The following ABR variants were observed in gnomAD, a reference collection of about 807,000 sequenced individuals.
The protein encoded by ABR is ABR activator of RhoGEF and GTPase.
In ABR, 35 loss-of-function variants were observed where a neutral mutation model predicts 107.2. The ratio of observed to expected loss-of-function variants is 0.33; its 90% confidence interval spans 0.25 to 0.43. The LOEUF (loss-of-function observed/expected upper bound fraction) is 0.43. Among genes scored for constraint, ABR ranks in the 20% least tolerant of loss-of-function variants. The pLI is 1.00. For missense variants in ABR, 815 were observed against 1,115.2 expected (o/e 0.73, Z 3.83); for synonymous variants, 498 against 462.0 (o/e 1.08, Z -1.00).
At chr17:1,102,702 T>C (rs1411740539) in intron 2 of ABR, among the ~76,000 whole-genome samples, 2 of 152,166 alleles carry the variant, frequency 1.3e-5, no homozygotes, top group South Asian at 2.1e-4. Flanking sequence ...TTTTAATTAA[T>C]CTATTTATTT....
Position 1,022,120 on chromosome 17 carries a change from A to AAAAAAAAAAAAAAAAC in ABR, c.1792-8957_1792-8956insGTTTTTTTTTTTTTTT, listed in dbSNP as rs56033950. ...AGACTCTGTCTCAAAAAAAAAAAAA[A>AAAAAAAAAAAAAAAAC]AAAAACAGAAAATGACTCCAGAAGG... On this transcript the variant is annotated intron_variant, in intron 16 of 22. Transcript: ENST00000302538. Among the ~76,000 whole-genome samples the AAAAAAAAAAAAAAAAC allele has an allele frequency of 1.7e-3, 198 of 118,316 alleles. 18 individuals are homozygous for AAAAAAAAAAAAAAAAC. The highest frequency in any genetic ancestry group is 3.5e-3 in the South Asian group (13 of 3,678). The allele number at this position is 118,316 out of a possible 152,430, so 77.6% of individuals were successfully genotyped here. A position where few individuals can be genotyped will look rare whatever the true frequency, so the allele number is the denominator to read the frequency against.
At chr17:1,141,905 C>T (rs973353915) in intron 1 of ABR, among the ~76,000 whole-genome samples, 1 of 151,860 alleles carries the variant, frequency 6.6e-6, no homozygotes, top group Non-Finnish European at 1.5e-5. Context: ...ATTACAGGTG[C>T]CCGCCACCAC....
At chr17:1,177,675 G>A (rs887001931) in intron 1 of ABR, among the ~76,000 whole-genome samples, 1 of 152,192 alleles carries the variant, frequency 6.6e-6, no homozygotes, top group Non-Finnish European at 1.5e-5. Flanking sequence ...TACGATTCCA[G>A]GCTTCGGGAA....
At chr17:1,203,316 G>A (rs1304532298) in intron 1 of ABR, among the ~76,000 whole-genome samples, 2 of 150,916 alleles carry the variant, frequency 1.3e-5, no homozygotes, top group Admixed American at 6.6e-5. Context: ...TCGTGGGGGC[G>A]GAGTCCATGG....
intron 1 of ABR, among the ~76,000 whole-genome samples, chr17:1,174,228 C>T (rs556319025): frequency 1.3e-5 from 2 of 152,354 alleles, no homozygotes; most frequent in Non-Finnish European, 2.9e-5. Context: ...GAGTAGATGA[C>T]TTAATTCTTC....
rs953138431 is a variant in ABR at position 1,051,647 on chromosome 17, G to A, written c.1562-1013C>T. Among the ~76,000 whole-genome samples the A allele has an allele frequency of 6.6e-6, 1 of 152,214 alleles. No individual in the cohort carries two copies. The highest frequency in any genetic ancestry group is 1.5e-5 in the Non-Finnish European group (1 of 68,036). Reference sequence around the variant, plus strand: ...CCAGGGTACCAGAGGTGGTGTGGGAGGTGCCTTTGGGACACTATGGCCAAC... The same window carrying A: ...CCAGGGTACCAGAGGTGGTGTGGGAAGTGCCTTTGGGACACTATGGCCAAC... On this transcript the variant is annotated intron_variant, in intron 14 of 22. Transcript: ENST00000302538. The surrounding 1 kb of genome is among the most constrained non-coding windows in gnomAD (Gnocchi z 4.3).
At chr17:1,060,851 G>A (rs747744345) in intron 10 of ABR, among the ~76,000 whole-genome samples, 1 of 152,018 alleles carries the variant, frequency 6.6e-6, no homozygotes, top group Non-Finnish European at 1.5e-5. Flanking sequence ...AATTAGCCAG[G>A]CGTGGTGGCG....
Position 1,098,236 on chromosome 17 carries a change from C to A in ABR, c.345+2401G>T, listed in dbSNP as rs910475666. On this transcript the variant is annotated intron_variant, in intron 3 of 22. Coordinates refer to ENST00000302538, the MANE Select transcript of ABR (RefSeq NM_021962.5). ...TACAGGTGCTCGCCACCACGCCCGG[C>A]TAATTTTTTTTGTACTTTTTTAGTA... Among the ~76,000 whole-genome samples, 5 of 152,082 alleles carry A rather than the reference C, an allele frequency of 3.3e-5. No individual in the cohort carries two copies. In the South Asian group the frequency reaches 1.0e-3, roughly 32 times the overall value.
intron 16 of ABR, among the ~76,000 whole-genome samples, chr17:1,038,700 G>GT (rs1050520649): frequency 2.0e-5 from 3 of 152,250 alleles, no homozygotes; most frequent in Non-Finnish European, 2.9e-5. Context: ...AGGGGCTGCT[G>GT]TGAGTCTGCG....
rs574913583 is a variant in ABR, at chr17:1,220,422, A to G, written c.838+8371T>C. 2.0e-5 allele frequency among the ~76,000 whole-genome samples: 3 copies of G among 152,362 alleles called. No homozygotes were observed. The South Asian group carries it at 6.2e-4, about 32-fold the overall frequency. Reference sequence around the variant, plus strand: ...GAGCGTCGAATGGGAAGACAGGAACAGGATCGCTGCGGAAAGACTTGCAGA... The same window carrying G: ...GAGCGTCGAATGGGAAGACAGGAACGGGATCGCTGCGGAAAGACTTGCAGA... On this transcript the variant is annotated intron_variant, in intron 1 of 22. Transcript: ENST00000574139.
chr17:1,114,169 C>CAAAAAAAAA (rs72267709), intron 2 of ABR, among the ~76,000 whole-genome samples: 1 of 131,494 alleles, frequency 7.6e-6, no homozygotes, highest in Non-Finnish European at 1.6e-5. Flanking sequence ...GACCCTGTCT[C>CAAAAAAAAA]AAAAAAAAAA....
chr17:1,013,149 C>T lies in ABR; in HGVS notation c.1807G>A (p.Val603Met), dbSNP rs759310881. ...TCCGTGTGCCAGTTCTTGGTCTCCA[C>T]GGTTTGTGGGTCCAGCTGCAGAGAG... ...KGQIQLDPQT[V>M]ETKNWHTDVI... Residue 603 changes from valine (V) to methionine (M), a missense_variant, in exon 17 of 23, where the codon GTG (valine) becomes ATG (methionine). Physicochemically the swap from Val to Met is conservative, Grantham distance 21. Transcript: ENST00000302538. 27 of 1,614,170 alleles carry T rather than the reference C, an allele frequency of 1.7e-5. No individual in the cohort carries two copies. Among genetic ancestry groups the T allele is most frequent in the Non-Finnish European group, 2.0e-5 (24 of 1,180,008 alleles).
rs1187354633 is a variant in ABR at position 1,174,407 on chromosome 17, TC to T, written c.61+5259del. ...GGCCCCGAGAACTGAACTGCTCTGATCAAACGCACACAGGCTGTCAGACCAG... is the reference window on the plus strand; with the variant it reads ...GGCCCCGAGAACTGAACTGCTCTGATAAACGCACACAGGCTGTCAGACCAG... On this transcript the variant is annotated intron_variant, in intron 1 of 22. Coordinates refer to ENST00000302538, the MANE Select transcript of ABR (RefSeq NM_021962.5). Among the ~76,000 whole-genome samples, 13 of 151,786 alleles carry T rather than the reference TC, an allele frequency of 8.6e-5. No individual in the cohort carries two copies. The South Asian group carries it at 1.9e-3, about 22-fold the overall frequency.
Position 1,217,617 on chromosome 17 carries a change from C to G in ABR, c.838+11176G>C, listed in dbSNP as rs189334741. Among the ~76,000 whole-genome samples, 162 of 152,338 alleles carry G rather than the reference C, an allele frequency of 1.1e-3. 2 individuals are homozygous for G. Among genetic ancestry groups the G allele is most frequent in the African/African-American group, 3.7e-3 (152 of 41,578 alleles). Reference sequence around the variant, plus strand: ...GTGCAAAAAGGTTGAGGAATTTGCTCAAGGTCACATAGCAGTTAAGTGGCA... The same window carrying G: ...GTGCAAAAAGGTTGAGGAATTTGCTGAAGGTCACATAGCAGTTAAGTGGCA... On this transcript the variant is annotated intron_variant, in intron 1 of 22. Coordinates refer to the ABR transcript ENST00000574139.
intron 4 of ABR, among the ~76,000 whole-genome samples, chr17:1,087,226 A>G (rs1006850793): frequency 6.6e-6 from 1 of 152,180 alleles, no homozygotes; most frequent in Non-Finnish European, 1.5e-5. Context: ...TGCTGGGGGA[A>G]GTGGGCTGCT....
rs1462649979 is a variant in ABR at position 1,078,039 on chromosome 17, C to T, written c.700+1291G>A. On this transcript the variant is annotated intron_variant, in intron 6 of 22. Coordinates refer to ENST00000302538, the MANE Select transcript of ABR (RefSeq NM_021962.5). The surrounding 1 kb of genome is among the most constrained non-coding windows in gnomAD (Gnocchi z 7.5). ...GACATGCACCTGTCCCGGGACTTCC[C>T]CCCAGCCCCCAGCCAGCTGCGGGAG... is the stretch of plus-strand genomic sequence containing the variant. 6.6e-6 allele frequency among the ~76,000 whole-genome samples: 1 copy of T among 152,148 alleles called. No homozygotes were observed. Among genetic ancestry groups the T allele is most frequent in the Admixed American group, 6.5e-5 (1 of 15,278 alleles).
intron 2 of ABR, among the ~76,000 whole-genome samples, chr17:1,118,388 T>G (rs1453801896): frequency 2.5e-5 from 1 of 40,198 alleles, no homozygotes; most frequent in Non-Finnish European, 5.0e-5. Context: ...TCCCTGAGCC[T>G]GAGTTCCTCC....
intron 1 of ABR, among the ~76,000 whole-genome samples, chr17:1,161,842 A>C (rs922384637): frequency 6.6e-6 from 1 of 152,300 alleles, no homozygotes; most frequent in African/African-American, 2.4e-5. Context: ...GGTGTGAGCC[A>C]CAGCGCCCGG....
Position 1,125,238 on chromosome 17 carries a change from C to A in ABR, c.191G>T (p.Ser64Ile), listed in dbSNP as rs768332132. The change falls in exon 2 of 23, where the codon AGC becomes ATC. Residue 64 changes from serine to isoleucine, a missense_variant. Around this residue, in one of 5 missense-constraint regions of ABR, gnomAD observed 129 missense variants for 124.8 expected, o/e 1.03. Transcript: ENST00000302538. ...PTMSPQLSARSQGGGDGVSPT... is the reference protein window; with the variant it reads ...PTMSPQLSARIQGGGDGVSPT... ...GGAGACGCCATCCCCCCCGCCCTGG[C>A]TGCGGGCGCTGAGCTGCGGGGACAT... 2.5e-6 allele frequency: 4 copies of A among 1,611,412 alleles called. No individual in the cohort carries two copies. Among genetic ancestry groups the A allele is most frequent in the Non-Finnish European group, 3.4e-6 (4 of 1,178,502 alleles).
Sources: gnomAD v4.1 joint callset for allele counts (sites outside exome capture counted in the v4.1 genomes callset) on GRCh38, gnomAD v4.1.1 for gene constraint, gnomAD v4.1.1 regional missense constraint, Gnocchi (gnomAD v3.1) non-coding constraint, MANE v1.5 for transcripts, NCBI Gene and HGNC (gene_info 2026-07-23, HGNC 2026-07-21) for gene names.